PIK3R3: variants seen among roughly 807,000 people sequenced by gnomAD.
PIK3R3 encodes the protein phosphatidylinositol 3-kinase regulatory subunit gamma.
A neutral mutation model predicts 62.9 loss-of-function variants in PIK3R3; 64 were observed. That is an observed-to-expected ratio of 1.02 (90% CI 0.83 to 1.25). The LOEUF is 1.25. PIK3R3 is among the 50% of genes most tolerant of loss of function. PIK3R3 has a pLI of 0.00. For synonymous variants in PIK3R3, 165 were observed against 189.0 expected (o/e 0.87, Z 1.04); for missense variants, 614 against 561.6 (o/e 1.09, Z -0.94).
At chr1:46,142,655 G>A in the PIK3R3 span, among the ~76,000 whole-genome samples, 5 of 151,404 alleles carry the variant, frequency 3.3e-5, no homozygotes, top group African/African-American at 7.3e-5. Flanking sequence ...CCAAGATCAC[G>A]CCACTGCACT....
At chr1:46,052,969 A>C (rs559037077) in intron 7 of PIK3R3, among the ~76,000 whole-genome samples, 1 of 152,350 alleles carries the variant, frequency 6.6e-6, no homozygotes, top group Admixed American at 6.5e-5. Flanking sequence ...AGTATCATGC[A>C]GCAATGCTAA....
intron 7 of PIK3R3, among the ~76,000 whole-genome samples, chr1:46,055,436 T>G (rs1262707053): frequency 6.6e-6 from 1 of 152,150 alleles, no homozygotes; most frequent in Non-Finnish European, 1.5e-5. Flanking sequence ...TCAGAGGAAA[T>G]AGAAATTCCC....
At chr1:46,150,912 G>A in the PIK3R3 span, among the ~76,000 whole-genome samples, 78 of 149,992 alleles carry the variant, frequency 5.2e-4, 1 homozygote, top group South Asian at 0.014. Context: ...GAGTTCAAGC[G>A]ATTCTCCTGC....
chr1:46,138,281 G>C, the PIK3R3 span, among the ~76,000 whole-genome samples: 6 of 152,286 alleles, frequency 3.9e-5, no homozygotes, highest in African/African-American at 1.4e-4. Flanking sequence ...TAATTCCACA[G>C]GTCTCAAATC....
chr1:46,066,093 C>G lies in PIK3R3; in HGVS notation c.582G>C (p.Glu194Asp). The G allele has an allele frequency of 2.5e-6, 4 of 1,606,586 alleles. No homozygotes were observed. Among genetic ancestry groups the G allele is most frequent in the Non-Finnish European group, 2.6e-6 (3 of 1,173,612 alleles). The stretch of plus-strand genomic sequence containing the variant: ...TATATTCTTCATACAGCCTATCATA[C>G]TCTTTACTCTTCTCCTGATACTGAG... ...YHSQYQEKSKEYDRLYEEYTR... is the reference protein window; with the variant it reads ...YHSQYQEKSKDYDRLYEEYTR... Residue 194 changes from glutamate (E) to aspartate (D), a missense_variant, in exon 5 of 10, where the codon GAG (glutamate) becomes GAC (aspartate). Transcript: ENST00000262741.
intron 1 of PIK3R3, among the ~76,000 whole-genome samples, chr1:46,131,018 G>A (rs1038865682): frequency 3.9e-5 from 6 of 152,008 alleles, no homozygotes; most frequent in Admixed American, 1.3e-4. Flanking sequence ...AAAATATAGT[G>A]CTATATATGT....
chr1:46,150,830 C>G, the PIK3R3 span, among the ~76,000 whole-genome samples: 3 of 96,802 alleles, frequency 3.1e-5, no homozygotes, highest in Non-Finnish European at 6.3e-5. Flanking sequence ...TTTTTTGAGA[C>G]AGAGTTTTGT....
chr1:46,040,561 G>A lies in PIK3R3; in HGVS notation c.*3112C>T, dbSNP rs962756871. On this transcript the variant is annotated 3_prime_UTR_variant, in exon 10 of 10. Coordinates refer to ENST00000262741, the MANE Select transcript of PIK3R3 (RefSeq NM_003629.4). ...AGTTGGCAGCAGAGGGCCCAAGCAG[G>A]CCCCCTATCTGGACCCTCTGGTTTC... 2 of 226,286 alleles carry A rather than the reference G, an allele frequency of 8.8e-6. No individual in the cohort carries two copies. The highest frequency in any genetic ancestry group is 1.8e-5 in the Non-Finnish European group (2 of 113,754). 14.0% of individuals were successfully genotyped at this position (226,286 alleles called of 1,614,324 possible). A position where few individuals can be genotyped will look rare whatever the true frequency, so the allele number is the denominator to read the frequency against.
chr1:46,067,769 T>C (rs1396125569), intron 3 of PIK3R3, among the ~76,000 whole-genome samples: 5 of 152,250 alleles, frequency 3.3e-5, no homozygotes, highest in Non-Finnish European at 5.9e-5. Context: ...TTTTACAAAG[T>C]ATAGCTTTTG....
chr1:46,091,469 CACACACACACACAT>C (rs906793878), intron 1 of PIK3R3, among the ~76,000 whole-genome samples: 103 of 101,050 alleles, frequency 1.0e-3, no homozygotes, highest in African/African-American at 3.4e-3. Context: ...TGGTTATAAA[CACACACACACACAT>C]ACACACACAC....
chr1:46,112,724 C>T (rs537529372), intron 1 of PIK3R3, among the ~76,000 whole-genome samples: 2 of 152,276 alleles, frequency 1.3e-5, no homozygotes, highest in East Asian at 1.9e-4. Flanking sequence ...TACTATCATC[C>T]GCTCTAGTCC....
At chr1:46,126,006 T>C (rs71653995) in intron 1 of PIK3R3, among the ~76,000 whole-genome samples, 1 of 152,044 alleles carries the variant, frequency 6.6e-6, no homozygotes, top group Non-Finnish European at 1.5e-5. Context: ...GTAATCCGCC[T>C]GCCTCGGCCT....
At chr1:46,128,824 T>TA (rs1197947260) in intron 1 of PIK3R3, among the ~76,000 whole-genome samples, 1 of 152,180 alleles carries the variant, frequency 6.6e-6, no homozygotes, top group Non-Finnish European at 1.5e-5. Context: ...CTCACGCCTG[T>TA]AATCCCAGCA....
intron 1 of PIK3R3, among the ~76,000 whole-genome samples, chr1:46,084,052 T>G (rs1482322312): frequency 6.6e-6 from 1 of 152,050 alleles, no homozygotes; most frequent in Non-Finnish European, 1.5e-5. Flanking sequence ...ATAAATAAAA[T>G]GAGGTATATA....
upstream of PIK3R3, among the ~76,000 whole-genome samples, chr1:46,136,029 C>CAAA (rs552872602): frequency 4.6e-5 from 2 of 43,218 alleles, no homozygotes; most frequent in Non-Finnish European, 1.0e-4. Flanking sequence ...GACTCAGTCT[C>CAAA]AAAAAAAAAA....
At chr1:46,153,710 C>A in the PIK3R3 span, among the ~76,000 whole-genome samples, 1 of 152,186 alleles carries the variant, frequency 6.6e-6, no homozygotes, top group Non-Finnish European at 1.5e-5. Flanking sequence ...TCTGTACTCC[C>A]CCCAACTCAC....
At chr1:46,160,067 A>G in the PIK3R3 span, among the ~76,000 whole-genome samples, 2 of 152,178 alleles carry the variant, frequency 1.3e-5, no homozygotes, top group Admixed American at 6.5e-5. Context: ...TGCACAGCCA[A>G]TGATTTGTCC....
chr1:46,164,713 G>C, the PIK3R3 span, among the ~76,000 whole-genome samples: 1 of 152,040 alleles, frequency 6.6e-6, no homozygotes, highest in African/African-American at 2.4e-5. Context: ...TTCTAACCTC[G>C]TCTCTTTCTA....
rs1557544840 is a variant in PIK3R3 at position 46,043,735 on chromosome 1, CGTT to C, written c.1321_1323del (p.Asn441del). 13 of 1,614,182 alleles carry C rather than the reference CGTT, an allele frequency of 8.1e-6. No individual in the cohort carries two copies. Among genetic ancestry groups the C allele is most frequent in the East Asian group, 2.2e-5 (1 of 44,884 alleles). Reference sequence around the variant, plus strand: ...TAGGCAAGCCTGACGTTGAGGGAGTCGTTGTGCTGAACCAAGGATGTCTGCTGG... The same window carrying C: ...TAGGCAAGCCTGACGTTGAGGGAGTCGTGCTGAACCAAGGATGTCTGCTGG... On this transcript the variant is annotated inframe_deletion, in exon 10 of 10. Transcript: ENST00000262741.
Sources: gnomAD v4.1 joint callset for allele counts (sites outside exome capture counted in the v4.1 genomes callset) on GRCh38, gnomAD v4.1.1 for gene constraint, MANE v1.5 for transcripts, NCBI Gene and HGNC (gene_info 2026-07-23, HGNC 2026-07-21) for gene names.